Variants in CNOT6L observed in about 807,000 individuals in gnomAD.
The protein encoded by CNOT6L is CCR4-NOT transcription complex subunit 6 like, also known as CCR4-NOT transcription complex subunit 6-like.
Under a neutral mutation model 64.0 loss-of-function variants are expected in CNOT6L, and 7 were observed. The ratio of observed to expected loss-of-function variants is 0.11; its 90% CI spans 0.06 to 0.21. The LOEUF (loss-of-function observed/expected upper bound fraction) is 0.21. Ranked by LOEUF, CNOT6L falls within the 10% of genes least tolerant of loss-of-function variation. The probability of loss-of-function intolerance (pLI) is 1.00; values close to 1 mark genes in which losing one functional copy is unlikely to be tolerated. For missense variants in CNOT6L, 245 were observed against 669.0 expected, an observed-to-expected ratio of 0.37 and a Z score of 6.99; for synonymous variants, 193 against 243.4, an observed-to-expected ratio of 0.79 and a Z score of 1.93.
rs1468805747 is a variant in CNOT6L, at chr4:77,742,122, CTT to C, written c.872+17_872+18del. ...AAATAAATAAAAGTACACCATTGTGCTTTGTTTCCTTAACTTACTTTTCTGTT... is the reference window on the plus strand; with the variant it reads ...AAATAAATAAAAGTACACCATTGTGCTGTTTCCTTAACTTACTTTTCTGTT... On this transcript the variant is annotated intron_variant, in intron 8 of 11. Coordinates refer to ENST00000504123, the MANE Select transcript of CNOT6L (RefSeq NM_144571.3). 6.2e-7 allele frequency: 1 copy of C among 1,606,416 alleles called. No individual in the cohort carries two copies. The highest frequency in any genetic ancestry group is 2.2e-5 in the East Asian group (1 of 44,716).
chr4:77,782,970 G>T (rs966172440), intron 1 of CNOT6L, among the ~76,000 whole-genome samples: 1 of 151,888 alleles, frequency 6.6e-6, no homozygotes, highest in South Asian at 2.1e-4. Flanking sequence ...GATGCCCTGG[G>T]ATAAAGAACA....
chr4:77,789,761 G>A (rs953257368), intron 1 of CNOT6L, among the ~76,000 whole-genome samples: 1 of 151,740 alleles, frequency 6.6e-6, no homozygotes, highest in African/African-American at 2.4e-5. Context: ...GACCAGCCTG[G>A]GCAACATGGC....
At chr4:77,815,426 T>C (rs1214999617) in intron 1 of CNOT6L, among the ~76,000 whole-genome samples, 1 of 152,082 alleles carries the variant, frequency 6.6e-6, no homozygotes, top group Non-Finnish European at 1.5e-5. Context: ...AGCTTCCCCC[T>C]CCCACTCCTG....
chr4:77,728,527 C>G (rs1722121283), intron 10 of CNOT6L, among the ~76,000 whole-genome samples: 2 of 152,200 alleles, frequency 1.3e-5, no homozygotes, highest in Non-Finnish European at 2.9e-5. Flanking sequence ...TTATGTGGCC[C>G]TTTCCTACAA....
At position 77,714,474 on chromosome 4, in the gene CNOT6L, A is replaced by G. The variant is rs1314818036; in HGVS notation, c.*5957T>C. The G allele has an allele frequency of 2.7e-5, 3 of 112,636 alleles. No individual in the cohort carries two copies. Among genetic ancestry groups the G allele is most frequent in the African/African-American group, 9.9e-5 (3 of 30,226 alleles). The allele number at this position is 112,636 out of a possible 1,614,324, so 7.0% of individuals were successfully genotyped here. A position where few individuals can be genotyped will look rare whatever the true frequency, so the allele number is the denominator to read the frequency against. ...AAAAAAAAAAAAAAAAAAAAAAAAA[A>G]AGCCCTCCATACTTCCCCACTCCAG... On this transcript the variant is annotated 3_prime_UTR_variant, in exon 12 of 12. Transcript: ENST00000504123.
chr4:77,789,182 G>C (rs1729797850), intron 1 of CNOT6L, among the ~76,000 whole-genome samples: 1 of 152,034 alleles, frequency 6.6e-6, no homozygotes, highest in Non-Finnish European at 1.5e-5. Context: ...AAATTATTTA[G>C]CTAATCATAC....
intron 8 of CNOT6L, among the ~76,000 whole-genome samples, chr4:77,740,582 C>T (rs1449189208): frequency 6.6e-6 from 1 of 152,164 alleles, no homozygotes; most frequent in Non-Finnish European, 1.5e-5. Context: ...TCTTTAAAAA[C>T]AAGGAAATAG....
At position 77,774,715 on chromosome 4, in the gene CNOT6L, A is replaced by G. The variant is rs1311190177; in HGVS notation, c.129T>C (p.Gly43=). ...KSHWAELEIS[G]RVRSLSTSLW... ...GTGATGTACTTAGGCTCCGCACTCT[A>G]CCTAAAAGGCAAAATACTGAAGTGT... The change falls in exon 3 of 12, where the codon GGT becomes GGC. Residue 43 remains glycine, a splice_region_variant and synonymous_variant. Coordinates refer to ENST00000504123, the MANE Select transcript of CNOT6L (RefSeq NM_144571.3). The G allele has an allele frequency of 3.2e-6, 5 of 1,563,248 alleles. No individual in the cohort carries two copies. In the African/African-American group the frequency reaches 6.9e-5, roughly 22 times the overall value.
At position 77,774,532 on chromosome 4, in the gene CNOT6L, G is replaced by T; in HGVS notation, c.312C>A (p.Leu104=). 1 of 1,605,562 alleles carries T rather than the reference G, an allele frequency of 6.2e-7. No homozygotes were observed. The highest frequency in any genetic ancestry group is 1.1e-5 in the South Asian group (1 of 89,734). Residue 104 remains leucine (L), a splice_region_variant and synonymous_variant, in exon 3 of 12, where the codon CTC becomes CTA. Coordinates refer to ENST00000504123, the MANE Select transcript of CNOT6L (RefSeq NM_144571.3). ...LPAELGNMVS[L]RELLLNNNLL... is the part of the protein sequence containing the mutation. ...TCATGTCTGTTTTATTTCCTCACCTGAGAGACACCATGTTTCCTAGTTCTG... is the reference window on the plus strand; with the variant it reads ...TCATGTCTGTTTTATTTCCTCACCTTAGAGACACCATGTTTCCTAGTTCTG...
chr4:77,739,373 T>C (rs1212834068), intron 8 of CNOT6L, among the ~76,000 whole-genome samples: 1 of 152,200 alleles, frequency 6.6e-6, no homozygotes, highest in African/African-American at 2.4e-5. Context: ...AAAAATGATC[T>C]TACAAGATAA....
chr4:77,750,810 T>A (rs891520579), intron 5 of CNOT6L, among the ~76,000 whole-genome samples: 1 of 152,116 alleles, frequency 6.6e-6, no homozygotes, highest in Admixed American at 6.5e-5. Context: ...GAGCCAACCT[T>A]CCTCCCCACA....
intron 1 of CNOT6L, among the ~76,000 whole-genome samples, chr4:77,783,169 A>AAAAAC (rs1553895271): frequency 1.3e-5 from 2 of 151,202 alleles, no homozygotes; most frequent in African/African-American, 2.4e-5. Context: ...AAAAAAAAAA[A>AAAAAC]ACACATGTTT....
chr4:77,783,788 A>G (rs1024852322), intron 1 of CNOT6L, among the ~76,000 whole-genome samples: 1 of 152,008 alleles, frequency 6.6e-6, no homozygotes, highest in African/African-American at 2.4e-5. Flanking sequence ...CTTGCTAGCA[A>G]ACCAAATAAT....
At chr4:77,751,770 T>A (rs1318372005) in intron 5 of CNOT6L, among the ~76,000 whole-genome samples, 1 of 152,210 alleles carries the variant, frequency 6.6e-6, no homozygotes, top group Non-Finnish European at 1.5e-5. Context: ...AACTGTCAAC[T>A]GGAAATTCTG....
chr4:77,744,966 A>C (rs1365921702), intron 6 of CNOT6L, 91 bp from the exon 7 acceptor site: 1 of 965,522 alleles, frequency 1.0e-6, no homozygotes, highest in Non-Finnish European at 1.5e-6. Flanking sequence ...GCACAAGCAC[A>C]CACACATACG....
intron 1 of CNOT6L, among the ~76,000 whole-genome samples, chr4:77,801,309 C>T (rs901871665): frequency 1.3e-5 from 2 of 152,130 alleles, no homozygotes; most frequent in South Asian, 4.1e-4. Context: ...TCTGCAAAAG[C>T]AACAAAGCAA....
At chr4:77,736,192 C>A (rs1453886262) in intron 8 of CNOT6L, among the ~76,000 whole-genome samples, 1 of 152,128 alleles carries the variant, frequency 6.6e-6, no homozygotes, top group Admixed American at 6.5e-5. Flanking sequence ...AGCACACATT[C>A]TCACTCAAGT....
At chr4:77,795,778 T>A (rs1435675954) in intron 1 of CNOT6L, among the ~76,000 whole-genome samples, 3 of 152,142 alleles carry the variant, frequency 2.0e-5, no homozygotes, top group Admixed American at 1.3e-4. Context: ...AGTGTGAGAC[T>A]GGACTAATAC....
At chr4:77,796,468 C>A (rs966031377) in intron 1 of CNOT6L, among the ~76,000 whole-genome samples, 1 of 152,188 alleles carries the variant, frequency 6.6e-6, no homozygotes, top group South Asian at 2.1e-4. Context: ...CTTCCCCCTA[C>A]ACTCTCTCTC....
Sources: allele counts gnomAD v4.1 joint callset (sites outside exome capture counted in the v4.1 genomes callset), GRCh38; gene constraint gnomAD v4.1.1; transcripts MANE v1.5; gene names NCBI Gene and HGNC (gene_info 2026-07-23, HGNC 2026-07-21).